GRIA4: variants seen among roughly 807,000 people sequenced by gnomAD.
GRIA4 encodes glutamate ionotropic receptor AMPA type subunit 4.
A neutral mutation model predicts 104.0 loss-of-function variants in GRIA4; 34 were observed. That is an observed-to-expected ratio of 0.33 (90% CI 0.25 to 0.44). GRIA4 has a LOEUF of 0.44. GRIA4 is among the 20% of genes least tolerant of loss of function. The probability of loss-of-function intolerance (pLI) is 1.00; values close to 1 mark genes in which losing one functional copy is unlikely to be tolerated. For missense variants in GRIA4, 750 were observed against 1,096.5 expected (o/e 0.68, Z 4.46); for synonymous variants, 386 against 381.9 (o/e 1.01, Z -0.13).
At chr11:105,669,884 G>A (rs1952304716) in intron 3 of GRIA4, among the ~76,000 whole-genome samples, 1 of 152,068 alleles carries the variant, frequency 6.6e-6, no homozygotes, top group Admixed American at 6.6e-5. Flanking sequence ...GCAGGCTGCT[G>A]ATCCCGGATG....
intron 3 of GRIA4, among the ~76,000 whole-genome samples, chr11:105,634,463 GAAA>G (rs1448368706): frequency 1.2e-4 from 15 of 124,276 alleles, no homozygotes; most frequent in African/African-American, 4.8e-4. Flanking sequence ...AAGAAAGAAA[GAAA>G]GGGAAAGAAA....
chr11:105,783,269 T>C (rs1211404072), intron 4 of GRIA4, among the ~76,000 whole-genome samples: 2 of 152,326 alleles, frequency 1.3e-5, no homozygotes, highest in Middle Eastern at 3.4e-3. Context: ...AAAGACATTT[T>C]GAACTAATCT....
At chr11:105,804,108 A>T (rs923153601) in intron 4 of GRIA4, among the ~76,000 whole-genome samples, 2 of 151,968 alleles carry the variant, frequency 1.3e-5, no homozygotes, top group Non-Finnish European at 2.9e-5. Context: ...TTTATTTAAC[A>T]TGCAGATTGG....
chr11:105,805,634 T>G (rs1340674931), intron 4 of GRIA4, among the ~76,000 whole-genome samples: 1 of 151,822 alleles, frequency 6.6e-6, no homozygotes, highest in Non-Finnish European at 1.5e-5. Flanking sequence ...AATTCAAGAA[T>G]GCAAAAAGGT....
intron 3 of GRIA4, among the ~76,000 whole-genome samples, chr11:105,717,762 G>A (rs1954147245): frequency 6.6e-6 from 1 of 151,170 alleles, no homozygotes; most frequent in African/African-American, 2.4e-5. Context: ...TGCACAATGT[G>A]CAGGTTAGTT....
chr11:105,638,959 T>C (rs1472214894), intron 3 of GRIA4, among the ~76,000 whole-genome samples: 1 of 152,108 alleles, frequency 6.6e-6, no homozygotes, highest in Non-Finnish European at 1.5e-5. Context: ...ATCAGTGTAG[T>C]ACACACGTAG....
intron 3 of GRIA4, among the ~76,000 whole-genome samples, chr11:105,614,768 G>A (rs1036092059): frequency 6.6e-6 from 1 of 151,926 alleles, no homozygotes; most frequent in Non-Finnish European, 1.5e-5. Context: ...AGCAGAATTT[G>A]GGAAAAAATC....
chr11:105,782,857 G>A (rs1458916216), intron 4 of GRIA4, among the ~76,000 whole-genome samples: 1 of 152,154 alleles, frequency 6.6e-6, no homozygotes, highest in East Asian at 1.9e-4. Flanking sequence ...TCAGGTTTGA[G>A]GTCTCGCTTC....
At chr11:105,962,937 C>T (rs1204911058) in intron 14 of GRIA4, among the ~76,000 whole-genome samples, 1 of 152,038 alleles carries the variant, frequency 6.6e-6, no homozygotes, top group Non-Finnish European at 1.5e-5. Context: ...CTTGGCAGAT[C>T]ACTATTACAG....
chr11:105,615,217 T>C (rs1950571115), intron 3 of GRIA4, among the ~76,000 whole-genome samples: 1 of 151,946 alleles, frequency 6.6e-6, no homozygotes, highest in Non-Finnish European at 1.5e-5. Context: ...GTGTTAGTTA[T>C]CTAGGGTACA....
chr11:105,881,210 A>G (rs1380569316), intron 5 of GRIA4, among the ~76,000 whole-genome samples: 1 of 152,178 alleles, frequency 6.6e-6, no homozygotes. Flanking sequence ...AGGGAGTTGG[A>G]GTACTTATGT....
chr11:105,948,009 T>C (rs1182151346), intron 14 of GRIA4, among the ~76,000 whole-genome samples: 1 of 152,204 alleles, frequency 6.6e-6, no homozygotes, highest in Non-Finnish European at 1.5e-5. Flanking sequence ...ACAGAAAAGC[T>C]ACAAATTCTC....
At chr11:105,618,674 TAGA>T (rs1950662349) in intron 3 of GRIA4, among the ~76,000 whole-genome samples, 1 of 151,786 alleles carries the variant, frequency 6.6e-6, no homozygotes, top group Non-Finnish European at 1.5e-5. Flanking sequence ...GGCTGTGCAA[TAGA>T]GATTTGGACA....
At chr11:105,685,796 G>A (rs1432347243) in intron 3 of GRIA4, among the ~76,000 whole-genome samples, 2 of 103,584 alleles carry the variant, frequency 1.9e-5, no homozygotes, top group Non-Finnish European at 3.9e-5. Flanking sequence ...TGGATTACTT[G>A]TGCAAGAAAA....
intron 3 of GRIA4, among the ~76,000 whole-genome samples, chr11:105,632,963 G>T (rs568924146): frequency 1.3e-5 from 2 of 152,256 alleles, no homozygotes; most frequent in African/African-American, 4.8e-5. Context: ...GAGAAAAGGG[G>T]TCTTGAGAAT....
chr11:105,703,329 C>G (rs1373926), intron 3 of GRIA4, among the ~76,000 whole-genome samples: 1 of 151,998 alleles, frequency 6.6e-6, no homozygotes, highest in Non-Finnish European at 1.5e-5. Context: ...GAACTGAGTA[C>G]AGCAGGGGTG....
chr11:105,866,555 A>G (rs552154733), intron 5 of GRIA4, among the ~76,000 whole-genome samples: 4 of 93,776 alleles, frequency 4.3e-5, no homozygotes, highest in South Asian at 2.8e-4. Context: ...GTGTGTGTAT[A>G]TATATATATA....
intron 3 of GRIA4, among the ~76,000 whole-genome samples, chr11:105,695,387 C>T: frequency 6.6e-6 from 1 of 151,886 alleles, no homozygotes; most frequent in East Asian, 1.9e-4. Context: ...GCCTTCTGTC[C>T]TTGTCTTGTT....
At chr11:105,822,719 T>C (rs1435172658) in intron 4 of GRIA4, among the ~76,000 whole-genome samples, 3 of 152,140 alleles carry the variant, frequency 2.0e-5, no homozygotes, top group Non-Finnish European at 4.4e-5. Context: ...TAATATCTTC[T>C]TAACATAATA....
Sources: allele counts gnomAD v4.1 joint callset (sites outside exome capture counted in the v4.1 genomes callset), GRCh38; gene constraint gnomAD v4.1.1; transcripts MANE v1.5; gene names NCBI Gene and HGNC (gene_info 2026-07-23, HGNC 2026-07-21).